Variants in PLA2R1 observed in about 807,000 individuals in gnomAD.
PLA2R1 encodes the protein secretory phospholipase A2 receptor.
In PLA2R1, 158 loss-of-function variants were observed where a neutral mutation model predicts 195.9. The observed-to-expected ratio is 0.81, with a 90% confidence interval of 0.71 to 0.92. The LOEUF (loss-of-function observed/expected upper bound fraction) is 0.92, where lower values mean the gene tolerates loss of function less well. Ranked by LOEUF, PLA2R1 falls within the 40% of genes least tolerant of loss-of-function variation. The pLI is 0.00. For missense variants in PLA2R1, 1,626 were observed against 1,764.6 expected (o/e 0.92, Z 1.41); for synonymous variants, 586 against 598.2 (o/e 0.98, Z 0.30).
Position 160,022,709 on chromosome 2 carries a change from G to A in PLA2R1, c.1250C>T (p.Thr417Ile), listed in dbSNP as rs1027237015. Residue 417 changes from threonine (T) to isoleucine (I), a missense_variant, in exon 7 of 30, where the codon ACC becomes ATC. Physicochemically the swap from Thr to Ile is moderately conservative, Grantham distance 89 (BLOSUM62 -1). Transcript: ENST00000283243. ...AAGAAACTCCACCTCTGCTAATGAG[G>A]TTATGTCTATTAATGCACTGTTATC... ...QADNSALIDI[T>I]SLAEVEFLVT... 4 of 1,612,912 alleles carry A rather than the reference G, an allele frequency of 2.5e-6. No homozygotes were observed. The highest frequency in any genetic ancestry group is 3.4e-6 in the Non-Finnish European group (4 of 1,179,392).
In PLA2R1 at chr2:159,933,159, C is replaced by T. The variant is rs1273500471; in HGVS notation, c.*8619G>A. 6.6e-6 allele frequency: 1 copy of T among 152,146 alleles called. No individual in the cohort carries two copies. Among genetic ancestry groups the T allele is most frequent in the East Asian group, 1.9e-4 (1 of 5,202 alleles). 9.4% of individuals were successfully genotyped at this position (152,146 alleles called of 1,614,324 possible). A position where few individuals can be genotyped will look rare whatever the true frequency, so the allele number is the denominator to read the frequency against. On this transcript the variant is annotated 3_prime_UTR_variant, in exon 30 of 30. Coordinates refer to ENST00000283243, the MANE Select transcript of PLA2R1 (RefSeq NM_007366.5). ...TTTTCCCTTAATTTGTTCTAAATTA[C>T]AGCAAAGTGCTCTGCAAGAAACAAG...
At chr2:160,024,467 G>A (rs1693370118) in intron 6 of PLA2R1, among the ~76,000 whole-genome samples, 1 of 152,140 alleles carries the variant, frequency 6.6e-6, no homozygotes, top group South Asian at 2.1e-4. Context: ...CAGTGTGTGT[G>A]CTGAAGTGGC....
intron 20 of PLA2R1, among the ~76,000 whole-genome samples, chr2:159,960,731 T>C (rs1244683363): frequency 2.0e-5 from 3 of 152,204 alleles, no homozygotes; most frequent in Non-Finnish European, 2.9e-5. Flanking sequence ...TCTGTTACAT[T>C]ATCAAACACA....
chr2:159,960,534 T>G (rs983072983), intron 20 of PLA2R1, among the ~76,000 whole-genome samples: 1 of 152,166 alleles, frequency 6.6e-6, no homozygotes, highest in South Asian at 2.1e-4. Flanking sequence ...AATCAAATAT[T>G]GACTAATCCC....
At chr2:160,059,505 G>A (rs1695808155) in intron 1 of PLA2R1, among the ~76,000 whole-genome samples, 1 of 152,202 alleles carries the variant, frequency 6.6e-6, no homozygotes, top group Admixed American at 6.5e-5. Flanking sequence ...CTGAGCTACT[G>A]ACTGGCAAAA....
chr2:160,001,614 A>T (rs1249011976), intron 11 of PLA2R1, among the ~76,000 whole-genome samples: 12 of 152,008 alleles, frequency 7.9e-5, no homozygotes, highest in Admixed American at 5.2e-4. Flanking sequence ...AAAAAAATTT[A>T]AAAAATGTAC....
chr2:159,953,364 A>C lies in PLA2R1; in HGVS notation c.3302-1786T>G, dbSNP rs1687883819. On this transcript the variant is annotated intron_variant, in intron 23 of 29. Coordinates refer to ENST00000283243, the MANE Select transcript of PLA2R1 (RefSeq NM_007366.5). ...CTTTGGGCTCAAGCCCAATGTAAGC[A>C]CATATGTATCTGACAAACAGAGAAG... Among the ~76,000 whole-genome samples the C allele has an allele frequency of 2.0e-5, 3 of 152,270 alleles. No homozygotes were observed. The South Asian group carries it at 6.2e-4, about 32-fold the overall frequency.
At chr2:160,048,838 ATTTT>A (rs1205003993) in intron 1 of PLA2R1, among the ~76,000 whole-genome samples, 3 of 127,830 alleles carry the variant, frequency 2.3e-5, no homozygotes, top group African/African-American at 3.1e-5. Context: ...TAGAAGAAAC[ATTTT>A]TTTTTTTTTT....
At chr2:159,925,003 A>C in the PLA2R1 span, among the ~76,000 whole-genome samples, 2 of 152,162 alleles carry the variant, frequency 1.3e-5, no homozygotes, top group Non-Finnish European at 2.9e-5. Flanking sequence ...TACGATGTGG[A>C]TAACTTCTGT....
At chr2:159,970,694 C>T (rs891436354) in intron 17 of PLA2R1, among the ~76,000 whole-genome samples, 7 of 152,108 alleles carry the variant, frequency 4.6e-5, no homozygotes, top group African/African-American at 1.7e-4. Flanking sequence ...TATAAGCTTT[C>T]CTTCCCATTC....
chr2:159,987,218 A>G lies in PLA2R1; in HGVS notation c.1975T>C (p.Trp659Arg). 2 of 1,613,674 alleles carry G rather than the reference A, an allele frequency of 1.2e-6. No homozygotes were observed. Among genetic ancestry groups the G allele is most frequent in the Non-Finnish European group, 1.7e-6 (2 of 1,179,858 alleles). ...NQEKAEYEER[W>R]PFHPCYLDWE... is the part of the protein sequence containing the mutation. ...TCCAAATAGCAGGGGTGAAAGGGCC[A>G]TCTCTCTTCATACTCTGCTTTTTCC... The change falls in exon 12 of 30, where the codon TGG (tryptophan) becomes CGG (arginine). Residue 659 changes from tryptophan to arginine, a missense_variant. By Grantham distance (101) the Trp-to-Arg change is moderately radical. Transcript: ENST00000283243.
At chr2:160,034,617 T>C (rs1385576744) in intron 3 of PLA2R1, among the ~76,000 whole-genome samples, 2 of 152,036 alleles carry the variant, frequency 1.3e-5, no homozygotes, top group South Asian at 2.1e-4. Flanking sequence ...AGCGGGGGTG[T>C]GTTCATAGTT....
At chr2:160,007,205 C>T (rs1322940517) in intron 10 of PLA2R1, among the ~76,000 whole-genome samples, 2 of 152,152 alleles carry the variant, frequency 1.3e-5, no homozygotes, top group Non-Finnish European at 1.5e-5. Context: ...TGTAATTTTC[C>T]TTACACTTCT....
intron 10 of PLA2R1, among the ~76,000 whole-genome samples, chr2:160,006,095 A>G (rs886276533): frequency 6.6e-6 from 1 of 152,180 alleles, no homozygotes; most frequent in African/African-American, 2.4e-5. Context: ...CCAGTTTCAA[A>G]GCATAGGTGG....
chr2:159,943,266 C>T (rs142829657), intron 28 of PLA2R1, among the ~76,000 whole-genome samples: 6 of 152,114 alleles, frequency 3.9e-5, no homozygotes, highest in East Asian at 1.9e-4. Flanking sequence ...CCACCACCCC[C>T]GGCCCAGACT....
intron 1 of PLA2R1, among the ~76,000 whole-genome samples, chr2:160,060,818 C>G (rs1310684763): frequency 1.3e-5 from 2 of 152,198 alleles, no homozygotes; most frequent in Admixed American, 1.3e-4. Flanking sequence ...GTTCTACCAC[C>G]TAGTGCCCAG....
intron 26 of PLA2R1, among the ~76,000 whole-genome samples, 172 bp downstream of exon 26, chr2:159,947,247 T>C (rs1687447079): frequency 6.6e-6 from 1 of 152,232 alleles, no homozygotes; most frequent in Non-Finnish European, 1.5e-5. Context: ...TTGTTTCATA[T>C]AGTAGCTGTC....
chr2:159,976,391 T>C (rs993172599), intron 16 of PLA2R1, among the ~76,000 whole-genome samples, 166 bp from the exon 17 acceptor site: 1 of 152,072 alleles, frequency 6.6e-6, no homozygotes, highest in Non-Finnish European at 1.5e-5. Context: ...GATATATAAC[T>C]TGCTTTTTTT....
At chr2:160,035,275 A>G (rs1694103925) in intron 3 of PLA2R1, among the ~76,000 whole-genome samples, 1 of 152,200 alleles carries the variant, frequency 6.6e-6, no homozygotes, top group African/African-American at 2.4e-5. Flanking sequence ...GTAAGTTTTA[A>G]GTAACAAATG....
Sources: gnomAD v4.1 joint callset for allele counts (sites outside exome capture counted in the v4.1 genomes callset) on GRCh38, gnomAD v4.1.1 for gene constraint, MANE v1.5 for transcripts, NCBI Gene and HGNC (gene_info 2026-07-23, HGNC 2026-07-21) for gene names.